The following ZNF419 variants were observed in gnomAD, a reference collection of about 807,000 sequenced individuals.
The protein encoded by ZNF419 is zinc finger protein 419.
A neutral mutation model predicts 14.9 loss-of-function variants in ZNF419; 8 were observed. That is an observed-to-expected ratio of 0.54 (90% CI 0.32 to 0.97). The LOEUF (loss-of-function observed/expected upper bound fraction) is 0.97. Ranked by LOEUF, ZNF419 falls within the 50% of genes least tolerant of loss-of-function variation. The pLI, the probability that ZNF419 is intolerant of heterozygous loss-of-function variation, is 0.04. For missense variants in ZNF419, 595 were observed against 607.2 expected, an observed-to-expected ratio of 0.98 and a Z score of 0.21; for synonymous variants, 211 against 205.3, an observed-to-expected ratio of 1.03 and a Z score of -0.24.
rs199662148 is a variant in ZNF419 at position 57,493,030 on chromosome 19, C to G, written c.473C>G (p.Ser158Cys). 2.0e-4 allele frequency: 323 copies of G among 1,613,978 alleles called. No homozygotes were observed. Among genetic ancestry groups the G allele is most frequent in the Non-Finnish European group, 8.5e-6 (10 of 1,180,022 alleles). Reference protein sequence around the residue: ...RSCKVHLSEKSLQSREVGKAL... With the variant: ...RSCKVHLSEKCLQSREVGKAL... ...TGCAAAGTTCACCTATCAGAGAAGTCCTTGCAAAGCAGGGAGGTTGGGAAG... is the reference window on the plus strand; with the variant it reads ...TGCAAAGTTCACCTATCAGAGAAGTGCTTGCAAAGCAGGGAGGTTGGGAAG... The change falls in exon 5 of 5, where the codon TCC (serine) becomes TGC (cysteine). Residue 158 changes from serine to cysteine, a missense_variant. By Grantham distance (112) the Ser-to-Cys change is moderately radical. Coordinates refer to ENST00000221735, the MANE Select transcript of ZNF419 (RefSeq NM_024691.4).
In ZNF419 at chr19:57,492,872, C is replaced by T. The variant is rs566425888; in HGVS notation, c.315C>T (p.Ala105=). The T allele has an allele frequency of 1.1e-5, 17 of 1,613,350 alleles. No individual in the cohort carries two copies. The highest frequency in any genetic ancestry group is 1.3e-5 in the Non-Finnish European group (15 of 1,179,656). ...SAIPRGCWHG[A]EAEEAPEQIA... ...TTCTGTCAGGTTGTTGGCATGGAGCCGAGGCTGAGGAGGCTCCTGAGCAGA... is the reference window on the plus strand; with the variant it reads ...TTCTGTCAGGTTGTTGGCATGGAGCTGAGGCTGAGGAGGCTCCTGAGCAGA... Residue 105 remains alanine (A), a synonymous_variant, in exon 5 of 5, where the codon GCC becomes GCT. Coordinates refer to ENST00000221735, the MANE Select transcript of ZNF419 (RefSeq NM_024691.4).
At chr19:57,490,064 C>G in intron 1 of ZNF419, 83 bp from the exon 2 acceptor site, 2 of 1,351,768 alleles carry the variant, frequency 1.5e-6, no homozygotes, top group Non-Finnish European at 1.0e-6. Flanking sequence ...GTCAGGCACA[C>G]CTGACTCCAG....
At chr19:57,491,843 T>C in intron 3 of ZNF419, 3 of 686,654 alleles carry the variant, frequency 4.4e-6, no homozygotes, top group Non-Finnish European at 7.8e-6. Context: ...ATGGATCTTA[T>C]CCCTGGTGGC....
In ZNF419 at chr19:57,493,287, T is replaced by G. The variant is rs376302884; in HGVS notation, c.730T>G (p.Ser244Ala). ...ATGTGGGAAGTTATTTAGAGATATG[T>G]CCAACCTTTTTATACACCAAATAGT... Reference protein sequence around the residue: ...SECGKLFRDMSNLFIHQIVHT... With the variant: ...SECGKLFRDMANLFIHQIVHT... Residue 244 changes from serine to alanine, a missense_variant, in exon 5 of 5, where the codon TCC becomes GCC. Transcript: ENST00000221735. 6 of 1,614,120 alleles carry G rather than the reference T, an allele frequency of 3.7e-6. No individual in the cohort carries two copies. Among genetic ancestry groups the G allele is most frequent in the South Asian group, 3.3e-5 (3 of 91,086 alleles).
Position 57,493,862 on chromosome 19 carries a change from T to C in ZNF419, c.1305T>C (p.Phe435=). The C allele has an allele frequency of 6.2e-7, 1 of 1,613,906 alleles. No individual in the cohort carries two copies. The highest frequency in any genetic ancestry group is 8.5e-7 in the Non-Finnish European group (1 of 1,179,932). Residue 435 remains phenylalanine (F), a synonymous_variant, in exon 5 of 5, where the codon TTT becomes TTC. Coordinates refer to ENST00000221735, the MANE Select transcript of ZNF419 (RefSeq NM_024691.4). The part of the protein sequence containing the change: ...KPYECRECGK[F]FSQSSTLMQH... ...ATGAGTGCAGGGAATGTGGGAAATT[T>C]TTTAGCCAAAGCTCAACCCTCATGC...
At chr19:57,491,729 A>T in intron 3 of ZNF419, 132 bp downstream of exon 3, 1 of 1,261,506 alleles carries the variant, frequency 7.9e-7, no homozygotes, top group Non-Finnish European at 1.1e-6. Context: ...TGAAGTAGCT[A>T]TTGTAATAGG....
In ZNF419 at chr19:57,493,366, G is replaced by A. The variant is rs186593565; in HGVS notation, c.809G>A (p.Arg270His). 188 of 1,613,790 alleles carry A rather than the reference G, an allele frequency of 1.2e-4. No individual in the cohort carries two copies. The East Asian group carries it at 3.3e-3, about 29-fold the overall frequency. Residue 270 changes from arginine to histidine, a missense_variant, in exon 5 of 5, where the codon CGT becomes CAT. By Grantham distance (29) the Arg-to-His change is conservative (BLOSUM62 0). Coordinates refer to ENST00000221735, the MANE Select transcript of ZNF419 (RefSeq NM_024691.4). ...GCSNCGKSFS[R>H]NAHLIEHQRV... ...AGTAACTGTGGAAAATCCTTTAGCC[G>A]TAATGCTCACCTCATTGAACACCAG...
Position 57,493,452 on chromosome 19 carries a change from A to G in ZNF419, c.895A>G (p.Asn299Asp). 6.2e-7 allele frequency: 1 copy of G among 1,614,224 alleles called. No homozygotes were observed. The highest frequency in any genetic ancestry group is 8.5e-7 in the Non-Finnish European group (1 of 1,180,048). The part of the protein sequence containing the change: ...CSECGKAFRH[N>D]STLVQHHKIH... ...TGAATGTGGAAAAGCTTTCAGGCAT[A>G]ATTCCACACTTGTTCAGCATCACAA... Residue 299 changes from asparagine (N) to aspartate (D), a missense_variant, in exon 5 of 5, where the codon AAT (asparagine) becomes GAT (aspartate). Asn to Asp is a conservative substitution (Grantham distance 23). Transcript: ENST00000221735.
intron 2 of ZNF419, 143 bp downstream of exon 2, chr19:57,490,328 G>A: frequency 1.5e-6 from 1 of 675,474 alleles, no homozygotes; most frequent in Non-Finnish European, 2.6e-6. Context: ...CACACAGTCA[G>A]GGCCCTGAGT....
chr19:57,492,299 A>C (rs1568569782), intron 4 of ZNF419, 88 bp downstream of exon 4: 1 of 1,423,010 alleles, frequency 7.0e-7, no homozygotes, highest in Non-Finnish European at 9.9e-7. Flanking sequence ...ATACCAAGGC[A>C]AGGGGTTGTC....
Position 57,491,466 on chromosome 19 carries a change from A to G in ZNF419, c.73-5A>G. The G allele has an allele frequency of 6.2e-7, 1 of 1,613,954 alleles. No homozygotes were observed. Among genetic ancestry groups the G allele is most frequent in the Non-Finnish European group, 8.5e-7 (1 of 1,179,908 alleles). ...AGATAAACTCTACTCTGTCCATCTT[A>G]GCAGGGCTATGTGACCTTTGAGGAT... On this transcript the variant is annotated splice_polypyrimidine_tract_variant and splice_region_variant and intron_variant, in intron 2 of 4. Transcript: ENST00000221735.
chr19:57,495,222 T>C lies in ZNF419; in HGVS notation c.*1132T>C, dbSNP rs1308118297. 1 of 152,210 alleles carries C rather than the reference T, an allele frequency of 6.6e-6. No individual in the cohort carries two copies. Among genetic ancestry groups the C allele is most frequent in the East Asian group, 1.9e-4 (1 of 5,192 alleles). 9.4% of individuals were successfully genotyped at this position (152,210 alleles called of 1,614,324 possible). ...TATGTTGCACAGACTAGTCTCTAAC[T>C]CCTGGCCTCAAGTGATCATCCTGCC... On this transcript the variant is annotated 3_prime_UTR_variant, in exon 5 of 5. Coordinates refer to ENST00000221735, the MANE Select transcript of ZNF419 (RefSeq NM_024691.4).
At position 57,493,874 on chromosome 19, in the gene ZNF419, C is replaced by G. The variant is rs772823828; in HGVS notation, c.1317C>G (p.Ser439Arg). 1.9e-6 allele frequency: 3 copies of G among 1,613,730 alleles called. No individual in the cohort carries two copies. The African/African-American group carries it at 4.0e-5, about 22-fold the overall frequency. The change falls in exon 5 of 5, where the codon AGC becomes AGG. Residue 439 changes from serine to arginine, a missense_variant. Ser to Arg is a moderately radical substitution (Grantham distance 110). Coordinates refer to ENST00000221735, the MANE Select transcript of ZNF419 (RefSeq NM_024691.4). ...AATGTGGGAAATTTTTTAGCCAAAGCTCAACCCTCATGCAACATCGAAAAG... is the reference window on the plus strand; with the variant it reads ...AATGTGGGAAATTTTTTAGCCAAAGGTCAACCCTCATGCAACATCGAAAAG... ...CRECGKFFSQSSTLMQHRKVH... is the reference protein window; with the variant it reads ...CRECGKFFSQRSTLMQHRKVH...
In ZNF419 at chr19:57,492,980, G is replaced by A. The variant is rs747738168; in HGVS notation, c.423G>A (p.Glu141=). The change falls in exon 5 of 5, where the codon GAG becomes GAA. Residue 141 remains glutamate, a synonymous_variant. Coordinates refer to ENST00000221735, the MANE Select transcript of ZNF419 (RefSeq NM_024691.4). ...HCGEKPLKRQ[E]GRVPVLRSCK... is the part of the protein sequence containing the mutation. The stretch of plus-strand genomic sequence containing the variant: ...GAGAGAAACCCTTAAAAAGACAAGA[G>A]GGCAGGGTCCCAGTTTTGAGGAGTT... 5.6e-6 allele frequency: 9 copies of A among 1,614,024 alleles called. No homozygotes were observed. The African/African-American group carries it at 1.1e-4, about 19-fold the overall frequency.
In ZNF419 at chr19:57,493,437, A is replaced by G. The variant is rs1290876882; in HGVS notation, c.880A>G (p.Lys294Glu). ...EKPFTCSECG[K>E]AFRHNSTLVQ... The stretch of plus-strand genomic sequence containing the variant: ...GCCTTTTACATGCAGTGAATGTGGA[A>G]AAGCTTTCAGGCATAATTCCACACT... The change falls in exon 5 of 5, where the codon AAA becomes GAA. Residue 294 changes from lysine (K) to glutamate (E), a missense_variant. Transcript: ENST00000221735. 108 of 1,614,096 alleles carry G rather than the reference A, an allele frequency of 6.7e-5. No individual in the cohort carries two copies. The highest frequency in any genetic ancestry group is 8.9e-5 in the Non-Finnish European group (105 of 1,180,048).
In ZNF419 at chr19:57,493,529, T is replaced by C. The variant is rs375444219; in HGVS notation, c.972T>C (p.Phe324=). ...AGTGCAGTGAATGTGGAAAATTGTT[T>C]AGTTTCAACTCCAGCCTCATGAAAC... is the stretch of plus-strand genomic sequence containing the variant. ...PYECSECGKL[F]SFNSSLMKHQ... The change falls in exon 5 of 5, where the codon TTT becomes TTC. Residue 324 remains phenylalanine, a synonymous_variant. Coordinates refer to ENST00000221735, the MANE Select transcript of ZNF419 (RefSeq NM_024691.4). 2 of 1,608,340 alleles carry C rather than the reference T, an allele frequency of 1.2e-6. No homozygotes were observed. The highest frequency in any genetic ancestry group is 1.1e-5 in the South Asian group (1 of 90,748).
At position 57,492,107 on chromosome 19, in the gene ZNF419, C is replaced by T. The variant is rs763394465; in HGVS notation, c.200-6C>T. ...AGTGCTGCCACTCACCTGTCGTTTT[C>T]CTTAGGACTTGCATCTTCCAAGACC... On this transcript the variant is annotated splice_region_variant and splice_polypyrimidine_tract_variant and intron_variant, in intron 3 of 4. Coordinates refer to ENST00000221735, the MANE Select transcript of ZNF419 (RefSeq NM_024691.4). 45 of 1,592,708 alleles carry T rather than the reference C, an allele frequency of 2.8e-5. 1 individual carries two copies. In the South Asian group the frequency reaches 4.6e-4, roughly 16 times the overall value.
intron 4 of ZNF419, chr19:57,492,653 G>T: frequency 1.3e-6 from 1 of 790,034 alleles, no homozygotes; most frequent in Non-Finnish European, 2.3e-6. Flanking sequence ...TTGCATCCTT[G>T]GTGCTCATGA....
chr19:57,488,938 G>C (rs1262945296), intron 1 of ZNF419: 1 of 152,422 alleles, frequency 6.6e-6, no homozygotes, highest in Non-Finnish European at 1.5e-5. Context: ...TGCCGGAATG[G>C]AGGGTTATAG....
Sources: allele counts gnomAD v4.1 joint callset, GRCh38; gene constraint gnomAD v4.1.1; transcripts MANE v1.5; gene names NCBI Gene and HGNC (gene_info 2026-07-23, HGNC 2026-07-21).